Variants in STEAP3 observed in about 807,000 individuals in gnomAD.
STEAP3 encodes the protein STEAP3 metalloreductase.
STEAP3 carries 35 observed loss-of-function variants against 34.9 expected under a neutral mutation model. The ratio of observed to expected loss-of-function variants is 1.00; its 90% CI spans 0.76 to 1.33. The LOEUF is 1.33. Ranked by LOEUF, STEAP3 falls within the 40% of genes most tolerant of loss-of-function variation. STEAP3 has a pLI of 0.00. For missense variants in STEAP3, 652 were observed against 667.6 expected, an observed-to-expected ratio of 0.98 and a Z score of 0.26; for synonymous variants, 281 against 301.6, an observed-to-expected ratio of 0.93 and a Z score of 0.71.
chr2:119,256,795 C>T (rs1024973586), intron 5 of STEAP3, among the ~76,000 whole-genome samples: 1 of 152,154 alleles, frequency 6.6e-6, no homozygotes, highest in Admixed American at 6.5e-5. Context: ...GCTTTCCCTC[C>T]CCACAACCCT....
At chr2:119,248,486 C>G in intron 4 of STEAP3, 1 of 439,486 alleles carries the variant, frequency 2.3e-6, no homozygotes, top group Non-Finnish European at 4.1e-6. Flanking sequence ...TTGAGAGGAT[C>G]AGGAGTGCTA....
At chr2:119,258,824 G>A (rs1451765180) in intron 5 of STEAP3, among the ~76,000 whole-genome samples, 5 of 142,832 alleles carry the variant, frequency 3.5e-5, no homozygotes, top group African/African-American at 7.9e-5. Context: ...GGGTTTCACC[G>A]TGTTAGGCAG....
chr2:119,252,174 C>T (rs75381873), intron 4 of STEAP3, among the ~76,000 whole-genome samples: 6,526 of 152,304 alleles, frequency 0.043, 190 homozygotes, highest in Non-Finnish European at 0.057. Flanking sequence ...CCATTTATTA[C>T]ATTAAGTGCC....
intron 3 of STEAP3, among the ~76,000 whole-genome samples, chr2:119,247,120 C>G (rs1281570701): frequency 6.6e-6 from 1 of 152,052 alleles, no homozygotes; most frequent in Admixed American, 6.5e-5. Flanking sequence ...AGGGGGACCT[C>G]GTGGGTCAGA....
chr2:119,235,525 G>C (rs139942354), intron 2 of STEAP3, among the ~76,000 whole-genome samples: 3,832 of 152,316 alleles, frequency 0.025, 74 homozygotes, highest in Middle Eastern at 0.082. Context: ...TTCAAAGTGT[G>C]GTCCCCACAC....
chr2:119,248,309 C>A, intron 4 of STEAP3, 103 bp downstream of exon 4: 1 of 1,342,078 alleles, frequency 7.5e-7, no homozygotes, highest in Non-Finnish European at 1.0e-6. Flanking sequence ...CGGGTGCAGC[C>A]TTACCAGGTG....
chr2:119,255,696 G>A (rs1420504008), intron 5 of STEAP3, among the ~76,000 whole-genome samples: 2 of 150,860 alleles, frequency 1.3e-5, no homozygotes, highest in African/African-American at 4.9e-5. Flanking sequence ...TCTTCCAGGA[G>A]TTAGAAGTTC....
intron 2 of STEAP3, among the ~76,000 whole-genome samples, chr2:119,239,791 G>A (rs1007029431): frequency 6.6e-6 from 1 of 152,138 alleles, no homozygotes; most frequent in Non-Finnish European, 1.5e-5. Flanking sequence ...TGGGGCAAAG[G>A]TCTCCAGGGT....
intron 5 of STEAP3, among the ~76,000 whole-genome samples, chr2:119,261,958 G>A (rs975225256): frequency 6.6e-6 from 1 of 152,146 alleles, no homozygotes; most frequent in Non-Finnish European, 1.5e-5. Flanking sequence ...TTCTCCCAAC[G>A]GTCACTAATC....
chr2:119,248,430 G>C (rs910997113), intron 4 of STEAP3: 9 of 569,964 alleles, frequency 1.6e-5, no homozygotes, highest in Admixed American at 3.3e-5. Flanking sequence ...GTACAGCCCA[G>C]TTGGGGCAGA....
At chr2:119,231,359 G>A (rs1676930895) in intron 2 of STEAP3, among the ~76,000 whole-genome samples, 1 of 149,286 alleles carries the variant, frequency 6.7e-6, no homozygotes, top group African/African-American at 2.5e-5. Flanking sequence ...GTGTGTGTGT[G>A]TGTGTGTGTG....
intron 2 of STEAP3, among the ~76,000 whole-genome samples, chr2:119,231,295 G>A (rs1676926240): frequency 6.6e-6 from 1 of 151,564 alleles, no homozygotes; most frequent in African/African-American, 2.4e-5. Context: ...TATTAAGTCA[G>A]GAGGCTTTTA....
At chr2:119,257,354 T>C (rs1001748932) in intron 5 of STEAP3, 5 of 1,346,586 alleles carry the variant, frequency 3.7e-6, no homozygotes, top group African/African-American at 1.5e-5. Flanking sequence ...GAAACAGAGA[T>C]AACCCAGGCC....
Position 119,263,775 on chromosome 2 carries a change from G to C in STEAP3, c.*437G>C. The C allele has an allele frequency of 3.3e-6, 1 of 306,136 alleles. No individual in the cohort carries two copies. The highest frequency in any genetic ancestry group is 2.9e-5 in the South Asian group (1 of 35,086). 19.0% of individuals were successfully genotyped at this position (306,136 alleles called of 1,614,324 possible). A position where few individuals can be genotyped will look rare whatever the true frequency, so the allele number is the denominator to read the frequency against. ...AACTTCCCTTTTGCTACTTCCCCAA[G>C]GCTCTTGCAGAGCTAGGGCTCTGAA... On this transcript the variant is annotated 3_prime_UTR_variant, in exon 6 of 6. Coordinates refer to ENST00000393110, the MANE Select transcript of STEAP3 (RefSeq NM_182915.3).
rs191924568 is a variant in STEAP3 at position 119,245,401 on chromosome 2, G to A, written c.23-88G>A. The A allele has an allele frequency of 1.8e-4, 264 of 1,504,804 alleles. No homozygotes were observed. The East Asian group carries it at 4.0e-3, about 23-fold the overall frequency. 93.2% of individuals were successfully genotyped at this position (1,504,804 alleles called of 1,614,324 possible). On this transcript the variant is annotated intron_variant, in intron 2 of 5. Transcript: ENST00000393110. ...CCTGCTGGGTGAATGTCTGACTGCC[G>A]TGTAGTTACGATGTATAAGAGGAGG...
intron 1 of STEAP3, among the ~76,000 whole-genome samples, chr2:119,225,714 C>G (rs923508814): frequency 6.6e-6 from 1 of 152,216 alleles, no homozygotes; most frequent in Non-Finnish European, 1.5e-5. Context: ...GGCAAAAGGT[C>G]GCTGGCTGAG....
At position 119,247,818 on chromosome 2, in the gene STEAP3, C is replaced by G. The variant is rs138436983; in HGVS notation, c.662C>G (p.Ala221Gly). ...VEAMPLRLLP[A>G]WKVPTLLALG... ...GCCATGCCCCTGCGCCTCCTCCCGG[C>G]CTGGAAGGTGCCCACCCTGCTGGCC... Residue 221 changes from alanine to glycine, a missense_variant, in exon 4 of 6, where the codon GCC becomes GGC. Transcript: ENST00000393110. The G allele has an allele frequency of 3.1e-6, 5 of 1,612,706 alleles. No homozygotes were observed. In the African/African-American group the frequency reaches 6.7e-5, roughly 21 times the overall value.
chr2:119,236,503 G>A (rs894935816), intron 2 of STEAP3, among the ~76,000 whole-genome samples: 13 of 152,116 alleles, frequency 8.5e-5, no homozygotes, highest in South Asian at 2.1e-4. Flanking sequence ...TGCTGAGCCC[G>A]TGTCCTGTTG....
chr2:119,250,232 C>G (rs1677580907), intron 4 of STEAP3, among the ~76,000 whole-genome samples: 1 of 152,262 alleles, frequency 6.6e-6, no homozygotes, highest in African/African-American at 2.4e-5. Context: ...CTCTGCCAGG[C>G]CCTGGGGCCA....
Sources: gnomAD v4.1 joint callset for allele counts (sites outside exome capture counted in the v4.1 genomes callset) on GRCh38, gnomAD v4.1.1 for gene constraint, MANE v1.5 for transcripts, NCBI Gene and HGNC (gene_info 2026-07-23, HGNC 2026-07-21) for gene names.